Variants in PARD3B observed in about 807,000 individuals in gnomAD.
PARD3B encodes the protein partitioning defective 3 homolog B.
PARD3B carries 103 observed loss-of-function variants against 130.2 expected under a neutral mutation model. That is an observed-to-expected ratio of 0.79 (90% CI 0.67 to 0.93). The LOEUF (loss-of-function observed/expected upper bound fraction) is 0.93, where lower values mean the gene tolerates loss of function less well. Ranked by LOEUF, PARD3B falls within the 40% of genes least tolerant of loss-of-function variation. PARD3B has a pLI of 0.00. For missense variants in PARD3B, 1,609 were observed against 1,499.2 expected, an observed-to-expected ratio of 1.07 and a Z score of -1.21; for synonymous variants, 583 against 553.2, an observed-to-expected ratio of 1.05 and a Z score of -0.76.
At chr2:204,772,764 G>A (rs989968033) in intron 2 of PARD3B, among the ~76,000 whole-genome samples, 1 of 152,126 alleles carries the variant, frequency 6.6e-6, no homozygotes, top group Non-Finnish European at 1.5e-5. Context: ...CCATTGAAAT[G>A]CAACAAATGG....
chr2:205,617,396 A>G lies in PARD3B; in HGVS notation c.*1583A>G, dbSNP rs1407175978. On this transcript the variant is annotated 3_prime_UTR_variant, in exon 23 of 23. Transcript: ENST00000406610. ...TAGGTCTATTTTGGCTGAGATTAGC[A>G]TACCTCTGACTCACAGGATTTAATA... 1 of 152,298 alleles carries G rather than the reference A, an allele frequency of 6.6e-6. No homozygotes were observed. Among genetic ancestry groups the G allele is most frequent in the East Asian group, 1.9e-4 (1 of 5,176 alleles). 9.4% of individuals were successfully genotyped at this position (152,298 alleles called of 1,614,324 possible). A position where few individuals can be genotyped will look rare whatever the true frequency, so the allele number is the denominator to read the frequency against.
chr2:204,732,503 A>C (rs1037148174), intron 2 of PARD3B, among the ~76,000 whole-genome samples: 9 of 123,722 alleles, frequency 7.3e-5, no homozygotes, highest in Non-Finnish European at 1.5e-4. Context: ...GAAAGTAAGG[A>C]TATCTTTTTT....
Position 205,146,378 on chromosome 2 carries a change from G to A in PARD3B, c.1435-12344G>A, listed in dbSNP as rs573799414. Among the ~76,000 whole-genome samples the A allele has an allele frequency of 2.0e-5, 3 of 152,058 alleles. No individual in the cohort carries two copies. Among genetic ancestry groups the A allele is most frequent in the Admixed American group, 2.0e-4 (3 of 15,270 alleles). On this transcript the variant is annotated intron_variant, in intron 10 of 22. Coordinates refer to ENST00000406610, the MANE Select transcript of PARD3B (RefSeq NM_001302769.2). This position sits in a 1 kb window ranked among gnomAD's most constrained non-coding sequence, Gnocchi z 4.3. The stretch of plus-strand genomic sequence containing the variant: ...TAAATTGTTACATCAGGCTGGGTGC[G>A]GTGGCTCACCCCTGTAATCCCAGCA...
In PARD3B at chr2:205,463,995, T is replaced by C. The variant is rs1465575937; in HGVS notation, c.3044+23323T>C. Among the ~76,000 whole-genome samples, 1 of 152,178 alleles carries C rather than the reference T, an allele frequency of 6.6e-6. No individual in the cohort carries two copies. Among genetic ancestry groups the C allele is most frequent in the African/African-American group, 2.4e-5 (1 of 41,452 alleles). On this transcript the variant is annotated intron_variant, in intron 20 of 22. Coordinates refer to ENST00000406610, the MANE Select transcript of PARD3B (RefSeq NM_001302769.2). The surrounding 1 kb of genome is among the most constrained non-coding windows in gnomAD (Gnocchi z 4.8). ...TACCTGCCTGCCACAGAGTTCTGAG[T>C]TAGAGTAGTCAGAACCCATGGGATT...
At chr2:205,090,273 A>G (rs1459354417) in intron 4 of PARD3B, among the ~76,000 whole-genome samples, 4 of 152,212 alleles carry the variant, frequency 2.6e-5, no homozygotes, top group Admixed American at 1.3e-4. Context: ...TTTTGTTCAT[A>G]CCAAGGGAAG....
intron 3 of PARD3B, among the ~76,000 whole-genome samples, chr2:205,035,926 C>CTATATATATATATATATATA (rs200017661): frequency 7.9e-6 from 1 of 126,082 alleles, no homozygotes; most frequent in African/African-American, 3.0e-5. Flanking sequence ...TCTGACTCCA[C>CTATATATATATATATATATA]TATATATATA....
chr2:205,531,156 A>C (rs899016193), intron 21 of PARD3B, among the ~76,000 whole-genome samples: 2 of 152,160 alleles, frequency 1.3e-5, no homozygotes, highest in Non-Finnish European at 2.9e-5. Flanking sequence ...TTTTTTCACC[A>C]TAATTTATAC....
chr2:205,191,960 C>T lies in PARD3B; in HGVS notation c.2025-1245C>T, dbSNP rs568921319. Among the ~76,000 whole-genome samples the T allele has an allele frequency of 7.3e-4, 111 of 152,246 alleles. No homozygotes were observed. In the South Asian group the frequency reaches 0.013, roughly 17 times the overall value. ...CCTCAAACTCCTAGACTCAAGTGAT[C>T]CTCCAGCCTCAGACTCCCAAGTAAC... On this transcript the variant is annotated intron_variant, in intron 14 of 22. Coordinates refer to ENST00000406610, the MANE Select transcript of PARD3B (RefSeq NM_001302769.2).
chr2:205,220,774 G>A (rs888601949), intron 15 of PARD3B, among the ~76,000 whole-genome samples: 46 of 152,138 alleles, frequency 3.0e-4, no homozygotes, highest in African/African-American at 1.1e-3. Flanking sequence ...ATCAAAGGAG[G>A]TCAGTGAACT....
intron 16 of PARD3B, among the ~76,000 whole-genome samples, chr2:205,248,711 AT>A (rs1448944383): frequency 9.4e-5 from 13 of 138,432 alleles, no homozygotes; most frequent in East Asian, 4.3e-4. Context: ...GGTTCACGCC[AT>A]TTCTCCTGCC....
At chr2:204,553,066 A>T (rs1373646297) in intron 1 of PARD3B, among the ~76,000 whole-genome samples, 1 of 152,172 alleles carries the variant, frequency 6.6e-6, no homozygotes, top group Non-Finnish European at 1.5e-5. Context: ...GCAAGAAAAA[A>T]ACCAAACAAT....
rs1050208261 is a variant in PARD3B, at chr2:204,739,939, CT to C, written c.222+53667del. Among the ~76,000 whole-genome samples the C allele has an allele frequency of 2.2e-3, 320 of 146,724 alleles. 7 individuals are homozygous for C. The highest frequency in any genetic ancestry group is 0.016 in the Admixed American group (232 of 14,702). ...TTTTTAAAAGAAATATACAATGCCC[CT>C]TTTTTTTTTGTATTAGTTTCAAAGA... is the stretch of plus-strand genomic sequence containing the variant. On this transcript the variant is annotated intron_variant, in intron 2 of 22. Transcript: ENST00000406610.
chr2:205,518,586 G>T (rs914469000), intron 21 of PARD3B, among the ~76,000 whole-genome samples: 3 of 152,096 alleles, frequency 2.0e-5, no homozygotes, highest in African/African-American at 7.2e-5. Context: ...TACATTCAAG[G>T]TTAATATTGA....
At chr2:204,867,032 G>C (rs1359904643) in intron 2 of PARD3B, among the ~76,000 whole-genome samples, 1 of 152,094 alleles carries the variant, frequency 6.6e-6, no homozygotes, top group Non-Finnish European at 1.5e-5. Context: ...TCACACCACT[G>C]CAGTCCAGCC....
rs182834223 is a variant in PARD3B at position 205,188,647 on chromosome 2, C to T, written c.2024+2784C>T. Among the ~76,000 whole-genome samples the T allele has an allele frequency of 1.1e-4, 17 of 152,224 alleles. No homozygotes were observed. The East Asian group carries it at 3.3e-3, about 30-fold the overall frequency. ...TCCCCTCCTAGGATCGTGTGACCTG[C>T]ACCATCCTGCAAGCTGCTGCGTTGC... On this transcript the variant is annotated intron_variant, in intron 14 of 22. Transcript: ENST00000406610.
chr2:205,528,005 A>T (rs2051412441), intron 21 of PARD3B, among the ~76,000 whole-genome samples: 4 of 152,160 alleles, frequency 2.6e-5, no homozygotes, highest in Admixed American at 2.6e-4. Flanking sequence ...ATGCATCAGG[A>T]TTCTTACTCA....
intron 19 of PARD3B, among the ~76,000 whole-genome samples, chr2:205,408,088 A>G (rs1229012852): frequency 6.6e-6 from 1 of 152,162 alleles, no homozygotes; most frequent in Non-Finnish European, 1.5e-5. Context: ...AAGATTTAGG[A>G]AAGTTAATCG....
chr2:205,221,164 A>C (rs148623666), intron 15 of PARD3B, among the ~76,000 whole-genome samples: 18 of 152,340 alleles, frequency 1.2e-4, no homozygotes, highest in African/African-American at 4.1e-4. Context: ...AAGAGATGTT[A>C]CATCTGTCAA....
At chr2:205,412,348 G>A (rs757246333) in intron 19 of PARD3B, among the ~76,000 whole-genome samples, 10 of 152,172 alleles carry the variant, frequency 6.6e-5, no homozygotes, top group African/African-American at 9.7e-5. Context: ...CCAAGAGGTC[G>A]TGGAAAAGCC....
Sources: allele counts gnomAD v4.1 joint callset (sites outside exome capture counted in the v4.1 genomes callset), GRCh38; gene constraint gnomAD v4.1.1; non-coding constraint Gnocchi (gnomAD v3.1); transcripts MANE v1.5; gene names NCBI Gene and HGNC (gene_info 2026-07-23, HGNC 2026-07-21).